ICA1: variants seen among roughly 807,000 people sequenced by gnomAD.
The protein encoded by ICA1 is 69 kDa islet cell autoantigen.
A neutral mutation model predicts 71.0 loss-of-function variants in ICA1; 40 were observed. That is an observed-to-expected ratio of 0.56 (90% CI 0.44 to 0.73). The LOEUF (loss-of-function observed/expected upper bound fraction) is 0.73, where lower values mean the gene tolerates loss of function less well. Among genes scored for constraint, ICA1 ranks in the 30% least tolerant of loss-of-function variants. The pLI is 0.00. For synonymous variants in ICA1, 207 were observed against 209.5 expected, an observed-to-expected ratio of 0.99 and a Z score of 0.10; for missense variants, 578 against 576.5, an observed-to-expected ratio of 1.00 and a Z score of -0.03.
rs1377345805 is a variant in ICA1 at position 8,130,607 on chromosome 7, C to A, written c.1061-2465G>T. On this transcript the variant is annotated intron_variant, in intron 12 of 13. Transcript: ENST00000402384. The surrounding 1 kb of genome is among the most constrained non-coding windows in gnomAD (Gnocchi z 4.2). Reference sequence around the variant, plus strand: ...ACCAAGTCAAGTCAATGTGTAGACCCTGGAGGAGCAGATAATTTCAAATGC... The same window carrying A: ...ACCAAGTCAAGTCAATGTGTAGACCATGGAGGAGCAGATAATTTCAAATGC... Among the ~76,000 whole-genome samples the A allele has an allele frequency of 6.6e-6, 1 of 151,944 alleles. No homozygotes were observed. Among genetic ancestry groups the A allele is most frequent in the Non-Finnish European group, 1.5e-5 (1 of 67,966 alleles).
chr7:8,155,513 C>T (rs1319537421), intron 8 of ICA1, among the ~76,000 whole-genome samples: 1 of 152,182 alleles, frequency 6.6e-6, no homozygotes, highest in African/African-American at 2.4e-5. Flanking sequence ...TCACATTGTA[C>T]TTTATATGCA....
At chr7:8,253,927 A>G (rs577295715) in intron 1 of ICA1, among the ~76,000 whole-genome samples, 4 of 152,330 alleles carry the variant, frequency 2.6e-5, no homozygotes, top group Non-Finnish European at 5.9e-5. Flanking sequence ...AATTGCACGT[A>G]AGCATAATAT....
intron 13 of ICA1, among the ~76,000 whole-genome samples, chr7:8,127,399 G>A (rs1447874355): frequency 1.3e-5 from 2 of 152,198 alleles, no homozygotes; most frequent in African/African-American, 4.8e-5. Context: ...TCTAGTGGGG[G>A]GTCCTCAGGG....
chr7:8,206,889 G>A (rs1208503783), intron 6 of ICA1, among the ~76,000 whole-genome samples: 2 of 152,054 alleles, frequency 1.3e-5, no homozygotes, highest in African/African-American at 4.8e-5. Flanking sequence ...CTCCTCTTCC[G>A]ATGTGGATAT....
At chr7:8,216,171 G>C (rs1398276182) in intron 6 of ICA1, among the ~76,000 whole-genome samples, 1 of 152,180 alleles carries the variant, frequency 6.6e-6, no homozygotes, top group African/African-American at 2.4e-5. Context: ...CATGGGTGTG[G>C]CACTTCCAAA....
chr7:8,200,216 A>T (rs1403219033), intron 6 of ICA1, among the ~76,000 whole-genome samples: 1 of 152,006 alleles, frequency 6.6e-6, no homozygotes, highest in Non-Finnish European at 1.5e-5. Context: ...AATAAAATTT[A>T]AAAAATTAAA....
intron 6 of ICA1, among the ~76,000 whole-genome samples, chr7:8,182,729 A>G (rs532242156): frequency 6.6e-6 from 1 of 152,338 alleles, no homozygotes; most frequent in South Asian, 2.1e-4. Context: ...TTTTAAAAAC[A>G]TTTTGTCTTT....
intron 5 of ICA1, among the ~76,000 whole-genome samples, chr7:8,219,853 T>C (rs2128418507): frequency 6.6e-6 from 1 of 152,354 alleles, no homozygotes; most frequent in East Asian, 1.9e-4. Flanking sequence ...AGATTCTTTG[T>C]TTCTCTTCCT....
chr7:8,220,366 C>T (rs1302860703), intron 5 of ICA1, among the ~76,000 whole-genome samples: 1 of 152,162 alleles, frequency 6.6e-6, no homozygotes, highest in Non-Finnish European at 1.5e-5. Context: ...CAACCATGTA[C>T]CATGCTGCTG....
chr7:8,235,156 T>C (rs1245071485), intron 2 of ICA1, among the ~76,000 whole-genome samples: 1 of 150,878 alleles, frequency 6.6e-6, no homozygotes, highest in African/African-American at 2.4e-5. Flanking sequence ...AGAGTGAGAC[T>C]CCATCTCAAA....
intron 8 of ICA1, among the ~76,000 whole-genome samples, chr7:8,155,224 T>C (rs1213803320): frequency 6.6e-6 from 1 of 152,202 alleles, no homozygotes; most frequent in Non-Finnish European, 1.5e-5. Context: ...AATTAAACCA[T>C]GAACTATTAC....
chr7:8,258,155 T>C (rs1399325390), intron 1 of ICA1, among the ~76,000 whole-genome samples: 1 of 152,192 alleles, frequency 6.6e-6, no homozygotes, highest in East Asian at 1.9e-4. Flanking sequence ...CTTCTTGCTT[T>C]CCCTGAAAGG....
intron 7 of ICA1, chr7:8,157,453 C>G (rs1002079646): frequency 4.3e-6 from 2 of 467,352 alleles, no homozygotes; most frequent in Non-Finnish European, 7.4e-6. Flanking sequence ...GGGACATTCT[C>G]CTCTCCATTC....
In ICA1 at chr7:8,222,879, A is replaced by AGG. The variant is rs1420044145; in HGVS notation, c.257-1483_257-1482dup. On this transcript the variant is annotated intron_variant, in intron 4 of 13. Coordinates refer to ENST00000402384, the MANE Select transcript of ICA1 (RefSeq NM_001136020.3). This position sits in a 1 kb window ranked among gnomAD's most constrained non-coding sequence, Gnocchi z 4.8. ...GACTGGGCATGTGTCTCTCTTCCCC[A>AGG]GGGGGCTCTAAGCTTTCCAAGACAG... is the stretch of plus-strand genomic sequence containing the variant. Among the ~76,000 whole-genome samples, 1 of 152,166 alleles carries AGG rather than the reference A, an allele frequency of 6.6e-6. No homozygotes were observed. Among genetic ancestry groups the AGG allele is most frequent in the Non-Finnish European group, 1.5e-5 (1 of 68,008 alleles).
chr7:8,202,184 C>T (rs1015756478), intron 6 of ICA1, among the ~76,000 whole-genome samples: 2 of 152,194 alleles, frequency 1.3e-5, no homozygotes, highest in African/African-American at 4.8e-5. Flanking sequence ...TAGAAGACCC[C>T]ATCATGCTGC....
At chr7:8,247,532 A>G (rs1806510501) in intron 1 of ICA1, among the ~76,000 whole-genome samples, 2 of 152,188 alleles carry the variant, frequency 1.3e-5, no homozygotes, top group South Asian at 4.1e-4. Flanking sequence ...GCCATAAGAC[A>G]TGCATAGTAG....
At chr7:8,142,194 C>A (rs114466571) in intron 9 of ICA1, 1 of 388,270 alleles carries the variant, frequency 2.6e-6, no homozygotes, top group African/African-American at 2.1e-5. Flanking sequence ...TAGGAGAGGA[C>A]ACCTCCAGAG....
intron 10 of ICA1, among the ~76,000 whole-genome samples, chr7:8,140,949 T>A (rs2128122982): frequency 6.6e-6 from 1 of 152,300 alleles, no homozygotes; most frequent in South Asian, 2.1e-4. Flanking sequence ...CACCAGAGGG[T>A]GAAGCAGGAA....
chr7:8,123,365 A>G lies in ICA1; in HGVS notation c.1330+4508T>C, dbSNP rs899900693. Among the ~76,000 whole-genome samples, 1 of 152,060 alleles carries G rather than the reference A, an allele frequency of 6.6e-6. No individual in the cohort carries two copies. The highest frequency in any genetic ancestry group is 1.5e-5 in the Non-Finnish European group (1 of 68,004). ...ATCCAGGGAGACGACAGAGGAGGAA[A>G]CTGAAGAGATGAAGGCGGAAGAGGA... On this transcript the variant is annotated intron_variant, in intron 13 of 13. Coordinates refer to ENST00000402384, the MANE Select transcript of ICA1 (RefSeq NM_001136020.3). The surrounding 1 kb of genome is among the most constrained non-coding windows in gnomAD (Gnocchi z 4.1).
Sources: allele counts gnomAD v4.1 joint callset (sites outside exome capture counted in the v4.1 genomes callset), GRCh38; gene constraint gnomAD v4.1.1; non-coding constraint Gnocchi (gnomAD v3.1); transcripts MANE v1.5; gene names NCBI Gene and HGNC (gene_info 2026-07-23, HGNC 2026-07-21).